Variants in IKBKE observed in about 807,000 individuals in gnomAD.
The protein encoded by IKBKE is inhibitor of nuclear factor kappa-B kinase subunit epsilon.
IKBKE carries 45 observed loss-of-function variants against 92.1 expected under a neutral mutation model. That is an observed-to-expected ratio of 0.49 (90% CI 0.38 to 0.63). The LOEUF is 0.63. IKBKE is among the 20% of genes least tolerant of loss of function. IKBKE has a pLI of 0.00. For synonymous variants in IKBKE, 374 were observed against 380.3 expected, an observed-to-expected ratio of 0.98 and a Z score of 0.19; for missense variants, 700 against 932.8, an observed-to-expected ratio of 0.75 and a Z score of 3.25.
At position 206,485,059 on chromosome 1, in the gene IKBKE, C is replaced by T. The variant is rs1490955570; in HGVS notation, c.1490C>T (p.Ser497Phe). The stretch of plus-strand genomic sequence containing the variant: ...CTGAAGGCGGCTGCAGAACTGAGGT[C>T]CAGGCTGCGGACTGTGAGTGAGGCT... Reference protein sequence around the residue: ...QELKAAAELRSRLRTLAEVLS... With the variant: ...QELKAAAELRFRLRTLAEVLS... Residue 497 changes from serine (S) to phenylalanine (F), a missense_variant, in exon 14 of 22, where the codon TCC (serine) becomes TTC (phenylalanine). Transcript: ENST00000581977. This position sits in a 1 kb window ranked among gnomAD's most constrained non-coding sequence, Gnocchi z 5.0. 1 of 1,613,894 alleles carries T rather than the reference C, an allele frequency of 6.2e-7. No individual in the cohort carries two copies. The highest frequency in any genetic ancestry group is 8.5e-7 in the Non-Finnish European group (1 of 1,179,786).
Position 206,493,401 on chromosome 1 carries a change from T to G in IKBKE, c.2045+23T>G, listed in dbSNP as rs12026566. 438,994 of 1,550,842 alleles carry G rather than the reference T, an allele frequency of 0.28. 63,519 individuals are homozygous for G. Among genetic ancestry groups the G allele is most frequent in the African/African-American group, 0.36 (26,366 of 73,676 alleles). On this transcript the variant is annotated intron_variant, in intron 20 of 21. Transcript: ENST00000581977. ...CCAGTAAGTGCTGGGGAGAAAGCGG[T>G]TGTGTATCTGTGTGGAAGGGGGTTG...
rs1558482118 is a variant in IKBKE, at chr1:206,487,874, T to C, written c.1617-40T>C. On this transcript the variant is annotated intron_variant, in intron 15 of 21. Transcript: ENST00000581977. The surrounding 1 kb of genome is among the most constrained non-coding windows in gnomAD (Gnocchi z 5.3). ...TCCCTCCCTCTTTCCTCTGTGCTATTAGATTCTTCCAACACCTGGTCCCTG... is the reference window on the plus strand; with the variant it reads ...TCCCTCCCTCTTTCCTCTGTGCTATCAGATTCTTCCAACACCTGGTCCCTG... 1 of 1,545,520 alleles carries C rather than the reference T, an allele frequency of 6.5e-7. No homozygotes were observed. Among genetic ancestry groups the C allele is most frequent in the Non-Finnish European group, 8.9e-7 (1 of 1,120,676 alleles).
At chr1:206,491,481 T>G in intron 17 of IKBKE, 167 bp from the exon 18 acceptor site, 2 of 537,726 alleles carry the variant, frequency 3.7e-6, no homozygotes, top group Non-Finnish European at 6.9e-6. Context: ...ACAATCCAAG[T>G]GTGTGACCGT....
intron 15 of IKBKE, among the ~76,000 whole-genome samples, chr1:206,486,201 C>T (rs1460936704): frequency 2.0e-5 from 3 of 152,266 alleles, no homozygotes; most frequent in East Asian, 1.9e-4. Context: ...ATGCCCTGCT[C>T]GGGCCATTCC....
intron 12 of IKBKE, 61 bp downstream of exon 12, chr1:206,480,174 G>C: frequency 1.3e-6 from 1 of 772,456 alleles, no homozygotes; most frequent in South Asian, 1.7e-5. Flanking sequence ...AGGCGGACAG[G>C]AGGGGGAGTG....
chr1:206,487,999 G>C lies in IKBKE; in HGVS notation c.1693+9G>C, dbSNP rs782415491. 3.1e-6 allele frequency: 5 copies of C among 1,600,572 alleles called. No individual in the cohort carries two copies. Among genetic ancestry groups the C allele is most frequent in the Non-Finnish European group, 4.3e-6 (5 of 1,168,580 alleles). ...GTCTAGGATGAGGCCAGGTGAGCCC[G>C]GGGAGGGCAGATGCCCCTTCTCTCT... On this transcript the variant is annotated intron_variant, in intron 16 of 21. Transcript: ENST00000581977. This position sits in a 1 kb window ranked among gnomAD's most constrained non-coding sequence, Gnocchi z 5.3.
intron 2 of IKBKE, among the ~76,000 whole-genome samples, chr1:206,472,107 A>G (rs1553383954): frequency 6.6e-6 from 1 of 152,174 alleles, no homozygotes; most frequent in Non-Finnish European, 1.5e-5. Context: ...AAAGACAGCC[A>G]GGTGTGGTGG....
chr1:206,492,613 T>G (rs1553390767), intron 18 of IKBKE: 1 of 474,988 alleles, frequency 2.1e-6, no homozygotes, highest in South Asian at 1.5e-5. Context: ...ATGTTCCTGT[T>G]CCTTCACTCC....
intron 13 of IKBKE, 142 bp from the exon 14 acceptor site, chr1:206,484,855 C>T: frequency 1.5e-6 from 1 of 663,170 alleles, no homozygotes; most frequent in Non-Finnish European, 2.7e-6. Flanking sequence ...CTGTCCCAAA[C>T]ACAAAACTTC....
chr1:206,477,632 C>T, intron 7 of IKBKE, 117 bp from the exon 8 acceptor site: 1 of 635,494 alleles, frequency 1.6e-6, no homozygotes, highest in Non-Finnish European at 2.8e-6. Flanking sequence ...ATCTGTCAGG[C>T]TACTTTGGGG....
chr1:206,492,791 T>C, intron 18 of IKBKE: 1 of 649,268 alleles, frequency 1.5e-6, no homozygotes, highest in Non-Finnish European at 2.9e-6. Flanking sequence ...TTGTTGGTGC[T>C]CCACACTACG....
At chr1:206,474,556 T>C in intron 4 of IKBKE, 85 bp downstream of exon 4, 1 of 1,376,292 alleles carries the variant, frequency 7.3e-7, no homozygotes, top group Non-Finnish European at 9.9e-7. Context: ...AACAGAGATT[T>C]GGTCCCATGC....
At chr1:206,492,313 T>G in intron 18 of IKBKE, 2 of 397,398 alleles carry the variant, frequency 5.0e-6, no homozygotes, top group South Asian at 1.9e-5. Flanking sequence ...ATCCCCTGCC[T>G]GTGTGAACAC....
intron 12 of IKBKE, 61 bp downstream of exon 12, chr1:206,480,174 G>T: frequency 1.3e-6 from 1 of 772,450 alleles, no homozygotes. Context: ...AGGCGGACAG[G>T]AGGGGGAGTG....
chr1:206,493,504 C>G (rs1438634078), intron 20 of IKBKE, 126 bp downstream of exon 20: 3 of 687,884 alleles, frequency 4.4e-6, no homozygotes, highest in Non-Finnish European at 7.4e-6. Context: ...ATTAAAGAGA[C>G]TAGCTGGGTG....
At chr1:206,492,276 C>T (rs1481342341) in intron 18 of IKBKE, 6 of 372,002 alleles carry the variant, frequency 1.6e-5, no homozygotes, top group African/African-American at 4.3e-5. Flanking sequence ...TTTTGGGTTC[C>T]GCCTTCTCAG....
chr1:206,472,148 G>A (rs1386493926), intron 2 of IKBKE, among the ~76,000 whole-genome samples: 2 of 152,214 alleles, frequency 1.3e-5, no homozygotes, highest in African/African-American at 4.8e-5. Flanking sequence ...CTCCTCAGGA[G>A]GCTGAGTTGG....
chr1:206,474,569 A>C (rs142235552), intron 4 of IKBKE, 98 bp downstream of exon 4: 245 of 1,298,378 alleles, frequency 1.9e-4, no homozygotes, highest in Non-Finnish European at 2.5e-4. Context: ...TCCCATGCTC[A>C]TCAGCAGGTC....
At chr1:206,488,780 C>A (rs1302591460) in intron 16 of IKBKE, among the ~76,000 whole-genome samples, 1 of 152,114 alleles carries the variant, frequency 6.6e-6, no homozygotes, top group Non-Finnish European at 1.5e-5. Context: ...AACCACTGTC[C>A]AATAGAAATA....
Sources: allele counts gnomAD v4.1 joint callset (sites outside exome capture counted in the v4.1 genomes callset), GRCh38; gene constraint gnomAD v4.1.1; non-coding constraint Gnocchi (gnomAD v3.1); transcripts MANE v1.5; gene names NCBI Gene and HGNC (gene_info 2026-07-23, HGNC 2026-07-21).